The following LINGO2 variants were observed in gnomAD, a reference collection of about 807,000 sequenced individuals.
LINGO2 encodes leucine-rich repeat and immunoglobulin-like domain-containing nogo receptor-interacting protein 2.
LINGO2 carries 14 observed loss-of-function variants against 30.6 expected under a neutral mutation model. That is an observed-to-expected ratio of 0.46 (90% CI 0.30 to 0.72). The LOEUF (loss-of-function observed/expected upper bound fraction) is 0.72, where lower values mean the gene tolerates loss of function less well. LINGO2 is among the 30% of genes least tolerant of loss of function. The probability of loss-of-function intolerance (pLI) is 0.07; values close to 1 mark genes in which losing one functional copy is unlikely to be tolerated. For missense variants in LINGO2, 729 were observed against 751.7 expected (o/e 0.97, Z 0.35); for synonymous variants, 317 against 288.5 (o/e 1.10, Z -1.00).
At chr9:29,209,694 A>C in the LINGO2 span, among the ~76,000 whole-genome samples, 1 of 152,274 alleles carries the variant, frequency 6.6e-6, no homozygotes, top group East Asian at 1.9e-4. Context: ...ACGGTATTTT[A>C]TGCTTGAATA....
At chr9:27,940,744 G>C in the LINGO2 span, 6 of 152,230 alleles carry the variant, frequency 3.9e-5, no homozygotes, top group African/African-American at 1.2e-4. Context: ...ACAGAACTAT[G>C]AAGAACTTCT....
chr9:28,036,356 G>C (rs896384065), intron 4 of LINGO2, among the ~76,000 whole-genome samples: 1 of 152,148 alleles, frequency 6.6e-6, no homozygotes, highest in Non-Finnish European at 1.5e-5. Context: ...GAAAGGAGAG[G>C]TGTCATCAGA....
At chr9:28,783,998 C>T in the LINGO2 span, among the ~76,000 whole-genome samples, 1 of 152,150 alleles carries the variant, frequency 6.6e-6, no homozygotes, top group Non-Finnish European at 1.5e-5. Context: ...GTACTCATAA[C>T]CTAATTATCT....
chr9:28,439,588 A>G (rs1824105052), intron 2 of LINGO2, among the ~76,000 whole-genome samples: 1 of 151,980 alleles, frequency 6.6e-6, no homozygotes, highest in Non-Finnish European at 1.5e-5. Flanking sequence ...TAGTTGTTTT[A>G]AAGCATATAG....
the LINGO2 span, among the ~76,000 whole-genome samples, chr9:29,137,443 A>G: frequency 6.6e-6 from 1 of 152,154 alleles, no homozygotes; most frequent in Admixed American, 6.6e-5. Context: ...AAAGGTTCAA[A>G]TAAGGTGTGT....
intron 1 of LINGO2, among the ~76,000 whole-genome samples, chr9:28,513,860 A>T (rs1415080698): frequency 6.6e-6 from 1 of 152,214 alleles, no homozygotes; most frequent in East Asian, 1.9e-4. Flanking sequence ...AGAGGTACAT[A>T]TCTTTTTATT....
intron 2 of LINGO2, among the ~76,000 whole-genome samples, chr9:28,408,347 T>C (rs7869511): frequency 6.6e-6 from 1 of 152,128 alleles, no homozygotes; most frequent in African/African-American, 2.4e-5. Flanking sequence ...ATCTTGAGTA[T>C]TATCACTATT....
the LINGO2 span, among the ~76,000 whole-genome samples, chr9:28,691,556 A>T: frequency 6.6e-6 from 1 of 151,458 alleles, no homozygotes; most frequent in Non-Finnish European, 1.5e-5. Context: ...CAACTTCTCT[A>T]TTGCATCCTT....
At chr9:28,689,740 T>C in the LINGO2 span, among the ~76,000 whole-genome samples, 2 of 152,144 alleles carry the variant, frequency 1.3e-5, no homozygotes, top group Non-Finnish European at 2.9e-5. Flanking sequence ...CATTCTATTA[T>C]AAAGATACAT....
intron 1 of LINGO2, among the ~76,000 whole-genome samples, chr9:28,668,977 A>C (rs1828911293): frequency 6.6e-6 from 1 of 152,082 alleles, no homozygotes. Context: ...TGCAATTCAC[A>C]ATTTAAATTT....
chr9:28,841,747 T>G, the LINGO2 span, among the ~76,000 whole-genome samples: 1 of 151,714 alleles, frequency 6.6e-6, no homozygotes, highest in African/African-American at 2.4e-5. Flanking sequence ...TTAGGGTTAC[T>G]GAGTATTTAG....
At chr9:28,457,854 C>A (rs986820104) in intron 2 of LINGO2, among the ~76,000 whole-genome samples, 1 of 152,250 alleles carries the variant, frequency 6.6e-6, no homozygotes, top group East Asian at 1.9e-4. Context: ...TTGCTATTTT[C>A]TTTTCCCCTC....
the LINGO2 span, among the ~76,000 whole-genome samples, chr9:28,889,357 G>A: frequency 6.6e-6 from 1 of 152,142 alleles, no homozygotes; most frequent in East Asian, 1.9e-4. Flanking sequence ...AGGGAACTAC[G>A]AGATCAGAAT....
At chr9:29,200,270 G>A in the LINGO2 span, among the ~76,000 whole-genome samples, 3 of 152,016 alleles carry the variant, frequency 2.0e-5, no homozygotes, top group Non-Finnish European at 2.9e-5. Flanking sequence ...GGGCAGAGAC[G>A]AAAAACGTAA....
chr9:28,635,351 A>G (rs1055532865), intron 1 of LINGO2, among the ~76,000 whole-genome samples: 2 of 152,196 alleles, frequency 1.3e-5, no homozygotes, highest in Non-Finnish European at 2.9e-5. Context: ...TTGCCCTGAA[A>G]CAATATGATA....
chr9:28,183,021 A>T (rs552675145), intron 4 of LINGO2, among the ~76,000 whole-genome samples: 10 of 152,336 alleles, frequency 6.6e-5, no homozygotes, highest in Middle Eastern at 6.8e-3. Context: ...TGTTTATCAC[A>T]GCACTATTTA....
the LINGO2 span, among the ~76,000 whole-genome samples, chr9:28,890,418 A>C: frequency 0.85 from 129,455 of 151,936 alleles, 55,317 homozygotes; most frequent in Non-Finnish European, 0.89. Context: ...TGCCATGGAG[A>C]CCTGATCAAA....
chr9:28,268,771 C>T (rs1466149234), intron 4 of LINGO2, among the ~76,000 whole-genome samples: 1 of 152,082 alleles, frequency 6.6e-6, no homozygotes, highest in Admixed American at 6.6e-5. Flanking sequence ...CTAGAACATG[C>T]TGTAGACAAC....
At chr9:28,700,852 TATGTAGTGG>T in the LINGO2 span, among the ~76,000 whole-genome samples, 3 of 152,098 alleles carry the variant, frequency 2.0e-5, no homozygotes, top group South Asian at 2.1e-4. Flanking sequence ...TTCTAATAGG[TATGTAGTGG>T]TAACTCCTTG....
Sources: allele counts gnomAD v4.1 joint callset (sites outside exome capture counted in the v4.1 genomes callset), GRCh38; gene constraint gnomAD v4.1.1; transcripts MANE v1.5; gene names NCBI Gene and HGNC (gene_info 2026-07-23, HGNC 2026-07-21).